SLC35F3: variants seen among roughly 807,000 people sequenced by gnomAD.
SLC35F3 encodes the protein solute carrier family 35 member F3.
Under a neutral mutation model 49.9 loss-of-function variants are expected in SLC35F3, and 25 were observed. The ratio of observed to expected loss-of-function variants is 0.50; its 90% confidence interval spans 0.37 to 0.70. The LOEUF (loss-of-function observed/expected upper bound fraction) is 0.70. Ranked by LOEUF, SLC35F3 falls within the 30% of genes least tolerant of loss-of-function variation. SLC35F3 has a pLI of 0.00. For missense variants in SLC35F3, 525 were observed against 639.8 expected, an observed-to-expected ratio of 0.82 and a Z score of 1.94; for synonymous variants, 275 against 265.4, an observed-to-expected ratio of 1.04 and a Z score of -0.35.
chr1:234,144,918 G>A (rs1665974744), intron 2 of SLC35F3, among the ~76,000 whole-genome samples: 1 of 152,196 alleles, frequency 6.6e-6, no homozygotes, highest in Non-Finnish European at 1.5e-5. Flanking sequence ...GCAGGGAGAG[G>A]AGTGTGCCAG....
At chr1:233,994,847 G>GA (rs113657320) in intron 2 of SLC35F3, among the ~76,000 whole-genome samples, 89 of 143,458 alleles carry the variant, frequency 6.2e-4, no homozygotes, top group African/African-American at 6.8e-4. Context: ...AAACAAACAA[G>GA]AAAAAAAAAA....
At chr1:233,949,043 C>T (rs1228213255) in intron 2 of SLC35F3, among the ~76,000 whole-genome samples, 1 of 152,022 alleles carries the variant, frequency 6.6e-6, no homozygotes, top group East Asian at 1.9e-4. Context: ...GAGCTCCTTC[C>T]ATCAGTAGTT....
At chr1:234,267,523 C>T (rs1421057918) in intron 3 of SLC35F3, among the ~76,000 whole-genome samples, 1 of 149,810 alleles carries the variant, frequency 6.7e-6, no homozygotes, top group African/African-American at 2.5e-5. Flanking sequence ...CCCCCCACCT[C>T]CCTCCCGGAC....
At chr1:234,033,098 C>T (rs1020422428) in intron 2 of SLC35F3, among the ~76,000 whole-genome samples, 2 of 151,904 alleles carry the variant, frequency 1.3e-5, no homozygotes, top group African/African-American at 4.8e-5. Context: ...TTGCGTTTCC[C>T]TGATAATTAG....
chr1:234,224,039 A>T (rs750124497), intron 2 of SLC35F3, among the ~76,000 whole-genome samples: 3 of 145,688 alleles, frequency 2.1e-5, no homozygotes, highest in Non-Finnish European at 4.4e-5. Context: ...ACCTCATTTA[A>T]CCTTTTTCGG....
intron 2 of SLC35F3, among the ~76,000 whole-genome samples, chr1:234,089,176 C>T (rs930332343): frequency 6.6e-5 from 10 of 151,944 alleles, no homozygotes; most frequent in East Asian, 1.9e-4. Flanking sequence ...ACTTTTCCAC[C>T]GAGCATAGTC....
At chr1:234,174,375 A>T (rs1666444993) in intron 2 of SLC35F3, among the ~76,000 whole-genome samples, 2 of 152,192 alleles carry the variant, frequency 1.3e-5, no homozygotes, top group African/African-American at 2.4e-5. Context: ...GTGGATCCAA[A>T]AACTGGTTGT....
At chr1:234,077,967 C>A (rs1664821677) in intron 2 of SLC35F3, among the ~76,000 whole-genome samples, 1 of 152,134 alleles carries the variant, frequency 6.6e-6, no homozygotes, top group Admixed American at 6.5e-5. Flanking sequence ...GGAATTACTT[C>A]AGCTCTCCAC....
intron 2 of SLC35F3, among the ~76,000 whole-genome samples, chr1:233,981,719 T>C (rs1278098974): frequency 1.3e-5 from 2 of 152,204 alleles, no homozygotes; most frequent in African/African-American, 2.4e-5. Flanking sequence ...TAAGTGTATG[T>C]TTAATTTTTT....
At chr1:234,192,708 CA>C (rs1344932669) in intron 2 of SLC35F3, among the ~76,000 whole-genome samples, 2 of 150,912 alleles carry the variant, frequency 1.3e-5, no homozygotes, top group Non-Finnish European at 2.9e-5. Context: ...AAGACTCCTC[CA>C]AAAAGCTCCT....
intron 2 of SLC35F3, among the ~76,000 whole-genome samples, chr1:234,092,588 G>T (rs957356863): frequency 6.6e-6 from 1 of 152,178 alleles, no homozygotes; most frequent in South Asian, 2.1e-4. Context: ...TAGGAGGCTG[G>T]CTAGCATGGC....
chr1:234,139,326 C>CAGG (rs1665855736), intron 2 of SLC35F3, among the ~76,000 whole-genome samples: 3 of 152,134 alleles, frequency 2.0e-5, no homozygotes, highest in Non-Finnish European at 4.4e-5. Context: ...ATATCTCTTC[C>CAGG]AGGACATGGT....
At chr1:234,092,296 A>G (rs771887733) in intron 2 of SLC35F3, among the ~76,000 whole-genome samples, 1 of 152,166 alleles carries the variant, frequency 6.6e-6, no homozygotes, top group African/African-American at 2.4e-5. Context: ...AAATGTATTA[A>G]TAGGGAGTTG....
chr1:234,024,546 G>GAA (rs1663946761), intron 2 of SLC35F3, among the ~76,000 whole-genome samples: 2 of 152,158 alleles, frequency 1.3e-5, no homozygotes, highest in Admixed American at 1.3e-4. Context: ...TGCATCTGAT[G>GAA]AAAGCCCTTT....
intron 2 of SLC35F3, among the ~76,000 whole-genome samples, chr1:234,084,689 T>C (rs940232585): frequency 5.9e-5 from 9 of 152,246 alleles, no homozygotes; most frequent in Non-Finnish European, 1.2e-4. Context: ...CCAGGTGTTC[T>C]GCTCTATTGA....
intron 2 of SLC35F3, among the ~76,000 whole-genome samples, chr1:234,124,017 G>A (rs1665612573): frequency 6.6e-6 from 1 of 152,162 alleles, no homozygotes; most frequent in African/African-American, 2.4e-5. Context: ...CTCTCTGAAG[G>A]CAGCCATCTG....
At position 233,957,585 on chromosome 1, in the gene SLC35F3, C is replaced by T. The variant is rs149594639; in HGVS notation, c.283+51827C>T. Among the ~76,000 whole-genome samples, 7,200 of 152,168 alleles carry T rather than the reference C, an allele frequency of 0.047. 265 individuals are homozygous for T. The highest frequency in any genetic ancestry group is 0.17 in the East Asian group (866 of 5,160). On this transcript the variant is annotated intron_variant, in intron 2 of 7. Transcript: ENST00000366618. The surrounding 1 kb of genome is among the most constrained non-coding windows in gnomAD (Gnocchi z 4.0). ...ATCCCAGCACTTTGGGAGGCCGAGG[C>T]AGGTGGATCACCTGAAGTCAGGAGT...
chr1:234,221,929 T>C (rs1011253039), intron 2 of SLC35F3, among the ~76,000 whole-genome samples: 1 of 152,220 alleles, frequency 6.6e-6, no homozygotes, highest in African/African-American at 2.4e-5. Context: ...GAGATTGGCT[T>C]ATCTGATTAA....
At chr1:234,170,422 G>A (rs1056921718) in intron 2 of SLC35F3, among the ~76,000 whole-genome samples, 1 of 152,074 alleles carries the variant, frequency 6.6e-6, no homozygotes, top group Non-Finnish European at 1.5e-5. Context: ...GTACAGAAGT[G>A]AGAATTCTAC....
Sources: gnomAD v4.1 joint callset for allele counts (sites outside exome capture counted in the v4.1 genomes callset) on GRCh38, gnomAD v4.1.1 for gene constraint, Gnocchi (gnomAD v3.1) non-coding constraint, MANE v1.5 for transcripts, NCBI Gene and HGNC (gene_info 2026-07-23, HGNC 2026-07-21) for gene names.